The following SIRPA variants were observed in gnomAD, a reference collection of about 807,000 sequenced individuals.
SIRPA encodes tyrosine-protein phosphatase non-receptor type substrate 1.
SIRPA carries 9 observed loss-of-function variants against 50.3 expected under a neutral mutation model. The ratio of observed to expected loss-of-function variants is 0.18; its 90% CI spans 0.11 to 0.31. The LOEUF is 0.31. Among genes scored for constraint, SIRPA ranks in the 10% least tolerant of loss-of-function variants. The pLI is 1.00. For synonymous variants in SIRPA, 265 were observed against 284.1 expected (o/e 0.93, Z 0.68); for missense variants, 474 against 661.6 (o/e 0.72, Z 3.11).
chr20:1,925,072 T>C (rs1421396610), intron 5 of SIRPA, among the ~76,000 whole-genome samples, 195 bp downstream of exon 5: 1 of 152,134 alleles, frequency 6.6e-6, no homozygotes, highest in Non-Finnish European at 1.5e-5. Flanking sequence ...TTCCCCCTCA[T>C]GGTTACAAGA....
chr20:1,896,362 A>G (rs139867740), intron 1 of SIRPA, among the ~76,000 whole-genome samples: 2 of 144,872 alleles, frequency 1.4e-5, no homozygotes, highest in Non-Finnish European at 3.0e-5. Context: ...GCTACTGTGC[A>G]TGTTCACCAA....
chr20:1,914,044 T>A (rs55797358), intron 1 of SIRPA, among the ~76,000 whole-genome samples: 61,853 of 151,742 alleles, frequency 0.41, 12,847 homozygotes, highest in East Asian at 0.66. Context: ...CCCATCACAG[T>A]GAGGCCTGGA....
At chr20:1,915,077 A>G in intron 1 of SIRPA, 22 bp from the exon 2 acceptor site, 1 of 1,572,538 alleles carries the variant, frequency 6.4e-7, no homozygotes, top group Non-Finnish European at 8.7e-7. Context: ...TGAAAAAATG[A>G]CTGCTTTGTG....
chr20:1,929,469 G>C lies in SIRPA; in HGVS notation c.1226+1570G>C, dbSNP rs567177458. Among the ~76,000 whole-genome samples, 67 of 152,282 alleles carry C rather than the reference G, an allele frequency of 4.4e-4. 1 individual carries two copies. The highest frequency in any genetic ancestry group is 1.6e-3 in the African/African-American group (65 of 41,538). ...GTATCCTGAGTTGGGGGGTGCAGGTGATGGGTGGAGTGATGGGGCAAATAT... is the reference window on the plus strand; with the variant it reads ...GTATCCTGAGTTGGGGGGTGCAGGTCATGGGTGGAGTGATGGGGCAAATAT... On this transcript the variant is annotated intron_variant, in intron 6 of 7. Transcript: ENST00000358771.
chr20:1,913,984 G>A (rs16978863), intron 1 of SIRPA, among the ~76,000 whole-genome samples: 61,891 of 151,704 alleles, frequency 0.41, 12,877 homozygotes, highest in East Asian at 0.66. Flanking sequence ...CCTTCCAGCT[G>A]CCCATTTGGG....
chr20:1,938,478 A>G lies in SIRPA; in HGVS notation c.*910A>G, dbSNP rs966197895. ...AGCAACGTGATCTTGGCTGTCTGTC[A>G]TGTGTTGAAGTCCATGGTTGGGTCT... is the stretch of plus-strand genomic sequence containing the variant. On this transcript the variant is annotated 3_prime_UTR_variant, in exon 8 of 8. Coordinates refer to ENST00000358771, the MANE Select transcript of SIRPA (RefSeq NM_001040023.2). 2.0e-5 allele frequency: 3 copies of G among 152,586 alleles called. No homozygotes were observed. Among genetic ancestry groups the G allele is most frequent in the Non-Finnish European group, 4.4e-5 (3 of 68,040 alleles). The allele number at this position is 152,586 out of a possible 1,614,324, so 9.5% of individuals were successfully genotyped here.
rs1308362576 is a variant in SIRPA, at chr20:1,928,184, C to T, written c.1226+285C>T. Among the ~76,000 whole-genome samples the T allele has an allele frequency of 2.0e-5, 3 of 152,218 alleles. No homozygotes were observed. The highest frequency in any genetic ancestry group is 7.2e-5 in the African/African-American group (3 of 41,450). On this transcript the variant is annotated intron_variant, in intron 6 of 7. Coordinates refer to ENST00000358771, the MANE Select transcript of SIRPA (RefSeq NM_001040023.2). This position sits in a 1 kb window ranked among gnomAD's most constrained non-coding sequence, Gnocchi z 4.9. ...TGGACTGGGGCAGAGACCTCCCGGG[C>T]TTTCTGTCCTCACAGACATCCTGCA...
intron 1 of SIRPA, among the ~76,000 whole-genome samples, chr20:1,904,665 C>T (rs528360856): frequency 2.6e-5 from 4 of 152,266 alleles, no homozygotes; most frequent in Middle Eastern, 3.4e-3. Context: ...TGATTGTCAT[C>T]GTTTTATGGT....
intron 1 of SIRPA, among the ~76,000 whole-genome samples, chr20:1,912,091 G>T (rs1422746895): frequency 6.6e-6 from 1 of 152,168 alleles, no homozygotes; most frequent in Non-Finnish European, 1.5e-5. Flanking sequence ...AAATCTGGCT[G>T]CAGTCGGTGG....
In SIRPA at chr20:1,921,464, C is replaced by T. The variant is rs769868568; in HGVS notation, c.506C>T (p.Thr169Ile). 1.2e-6 allele frequency: 2 copies of T among 1,613,900 alleles called. No individual in the cohort carries two copies. The highest frequency in any genetic ancestry group is 2.2e-5 in the South Asian group (2 of 91,074). ...ACACCTCAGCACACAGTGAGCTTCA[C>T]CTGCGAGTCCCACGGCTTCTCACCC... Reference protein sequence around the residue: ...RATPQHTVSFTCESHGFSPRD... With the variant: ...RATPQHTVSFICESHGFSPRD... The change falls in exon 3 of 8, where the codon ACC (threonine) becomes ATC (isoleucine). Residue 169 changes from threonine to isoleucine, a missense_variant. Physicochemically the swap from Thr to Ile is moderately conservative, Grantham distance 89 (BLOSUM62 -1). Around this residue, in one of 4 missense-constraint regions of SIRPA, gnomAD observed 221 missense variants for 359.9 expected, o/e 0.61. Coordinates refer to ENST00000358771, the MANE Select transcript of SIRPA (RefSeq NM_001040023.2).
At position 1,915,205 on chromosome 20, in the gene SIRPA, T is replaced by G. The variant is rs1339312878; in HGVS notation, c.186T>G (p.Pro62=). 1 of 1,581,406 alleles carries G rather than the reference T, an allele frequency of 6.3e-7. No individual in the cohort carries two copies. Among genetic ancestry groups the G allele is most frequent in the South Asian group, 1.1e-5 (1 of 89,406 alleles). The change falls in exon 2 of 8, where the codon CCT becomes CCG. Residue 62 remains proline (P), a synonymous_variant. Coordinates refer to ENST00000358771, the MANE Select transcript of SIRPA (RefSeq NM_001040023.2). ...TLRCTATSLI[P]VGPIQWFRGA... Reference sequence around the variant, plus strand: ...GCTGCACTGCGACCTCTCTGATCCCTGTGGGGCCCATCCAGTGGTTCAGAG... The same window carrying G: ...GCTGCACTGCGACCTCTCTGATCCCGGTGGGGCCCATCCAGTGGTTCAGAG...
rs573526732 is a variant in SIRPA, at chr20:1,919,882, G to A, written c.437-1513G>A. ...GGTTTGTCATGAGCCACAGGGAGCA[G>A]GGTTTGAGCCTTTTCTTGGTGTTTC... On this transcript the variant is annotated intron_variant, in intron 2 of 7. Coordinates refer to ENST00000358771, the MANE Select transcript of SIRPA (RefSeq NM_001040023.2). 2.6e-5 allele frequency among the ~76,000 whole-genome samples: 4 copies of A among 152,334 alleles called. No individual in the cohort carries two copies. In the South Asian group the frequency reaches 6.2e-4, roughly 24 times the overall value.
At chr20:1,912,184 T>C (rs1984929498) in intron 1 of SIRPA, among the ~76,000 whole-genome samples, 1 of 151,686 alleles carries the variant, frequency 6.6e-6, no homozygotes, top group Non-Finnish European at 1.5e-5. Context: ...GCCTGGGGTG[T>C]GATTACAGGC....
At position 1,936,323 on chromosome 20, in the gene SIRPA, T is replaced by C. The variant is rs1313931635; in HGVS notation, c.1267-997T>C. On this transcript the variant is annotated intron_variant, in intron 7 of 7. Coordinates refer to ENST00000358771, the MANE Select transcript of SIRPA (RefSeq NM_001040023.2). The surrounding 1 kb of genome is among the most constrained non-coding windows in gnomAD (Gnocchi z 4.2). ...TAAGTGGTTAATGATTGCGAACATT[T>C]ATTGAAGACAGATGCTCAATAGGTA... 1.3e-5 allele frequency among the ~76,000 whole-genome samples: 2 copies of C among 152,232 alleles called. No individual in the cohort carries two copies. The highest frequency in any genetic ancestry group is 4.8e-5 in the African/African-American group (2 of 41,446).
chr20:1,905,751 G>C (rs1984508197), intron 1 of SIRPA, among the ~76,000 whole-genome samples: 1 of 152,212 alleles, frequency 6.6e-6, no homozygotes, highest in Non-Finnish European at 1.5e-5. Context: ...AATTCTAAAG[G>C]ATATTTACAC....
At chr20:1,895,236 G>C, upstream of SIRPA, 1 of 422,182 alleles carries the variant, frequency 2.4e-6, no homozygotes, top group Non-Finnish European at 4.1e-6. Context: ...CCCAGTCTCC[G>C]TCTCTCCATT....
chr20:1,903,507 G>A (rs1984363822), intron 1 of SIRPA, among the ~76,000 whole-genome samples: 1 of 152,208 alleles, frequency 6.6e-6, no homozygotes, highest in East Asian at 1.9e-4. Context: ...ACCCATAGCA[G>A]CTGGAGTGAA....
chr20:1,896,523 T>C (rs1030377411), intron 1 of SIRPA, among the ~76,000 whole-genome samples: 4 of 152,112 alleles, frequency 2.6e-5, no homozygotes, highest in African/African-American at 9.7e-5. Flanking sequence ...TCTTGTTTTT[T>C]GTCGTCTTGA....
chr20:1,919,111 C>A (rs558261818), intron 2 of SIRPA, among the ~76,000 whole-genome samples: 2 of 152,342 alleles, frequency 1.3e-5, no homozygotes, highest in African/African-American at 4.8e-5. Flanking sequence ...AGCCATGCAA[C>A]CTCAGATGGG....
Sources: allele counts gnomAD v4.1 joint callset (sites outside exome capture counted in the v4.1 genomes callset), GRCh38; gene constraint gnomAD v4.1.1; regional missense constraint gnomAD v4.1.1; non-coding constraint Gnocchi (gnomAD v3.1); transcripts MANE v1.5; gene names NCBI Gene and HGNC (gene_info 2026-07-23, HGNC 2026-07-21).